Variants in SEMA5A observed in about 807,000 individuals in gnomAD.
SEMA5A encodes the protein semaphorin-5A.
In SEMA5A, 55 loss-of-function variants were observed where a neutral mutation model predicts 135.5. That is an observed-to-expected ratio of 0.41 (90% CI 0.33 to 0.51). The LOEUF (loss-of-function observed/expected upper bound fraction) is 0.51, where lower values mean the gene tolerates loss of function less well. Among genes scored for constraint, SEMA5A ranks in the 20% least tolerant of loss-of-function variants. The probability of loss-of-function intolerance (pLI) is 0.37; values close to 1 mark genes in which losing one functional copy is unlikely to be tolerated. For missense variants in SEMA5A, 1,290 were observed against 1,419.9 expected (o/e 0.91, Z 1.47); for synonymous variants, 580 against 546.5 (o/e 1.06, Z -0.85).
At chr5:9,350,282 G>A (rs1055018159) in intron 3 of SEMA5A, among the ~76,000 whole-genome samples, 21 of 152,272 alleles carry the variant, frequency 1.4e-4, no homozygotes, top group Admixed American at 1.2e-3. Context: ...ATTTAGGTTG[G>A]AATCTCACAG....
At chr5:9,338,871 G>A (rs1447490680) in intron 3 of SEMA5A, among the ~76,000 whole-genome samples, 3 of 152,060 alleles carry the variant, frequency 2.0e-5, no homozygotes, top group Admixed American at 6.6e-5. Flanking sequence ...TAAAGAAATC[G>A]CTTTGTTGAT....
intron 1 of SEMA5A, among the ~76,000 whole-genome samples, chr5:9,478,059 G>T (rs567243727): frequency 6.6e-6 from 1 of 152,194 alleles, no homozygotes; most frequent in Non-Finnish European, 1.5e-5. Flanking sequence ...CATGACTATA[G>T]GGGCCAAGGT....
rs1229453571 is a variant in SEMA5A at position 9,043,280 on chromosome 5, A to G, written c.3106-264T>C. On this transcript the variant is annotated intron_variant, in intron 22 of 22. Coordinates refer to ENST00000382496, the MANE Select transcript of SEMA5A (RefSeq NM_003966.3). ...GAAGTTACCACGAGAAGCAGGAGGT[A>G]AGAAAATCTAAATCTAAATCTCTAG... The G allele has an allele frequency of 1.2e-5, 4 of 332,166 alleles. 1 individual carries two copies. The Admixed American group carries it at 1.8e-4, about 15-fold the overall frequency. The allele number at this position is 332,166 out of a possible 1,614,324, so 20.6% of individuals were successfully genotyped here. A position where few individuals can be genotyped will look rare whatever the true frequency, so the allele number is the denominator to read the frequency against.
chr5:9,543,310 GTATT>G (rs1280172319), intron 1 of SEMA5A, among the ~76,000 whole-genome samples: 1 of 152,164 alleles, frequency 6.6e-6, no homozygotes, highest in Non-Finnish European at 1.5e-5. Flanking sequence ...AAATGTGCTT[GTATT>G]TATTTCGGTC....
At chr5:9,529,553 T>C (rs1737329708) in intron 1 of SEMA5A, among the ~76,000 whole-genome samples, 1 of 152,248 alleles carries the variant, frequency 6.6e-6, no homozygotes, top group South Asian at 2.1e-4. Context: ...GTAATCTTCA[T>C]ATTCCAGGAA....
At chr5:9,069,126 T>A (rs547742091) in intron 16 of SEMA5A, among the ~76,000 whole-genome samples, 2 of 152,338 alleles carry the variant, frequency 1.3e-5, no homozygotes, top group African/African-American at 4.8e-5. Flanking sequence ...AAAGTTCAGA[T>A]TCCCCCAAGG....
intron 1 of SEMA5A, among the ~76,000 whole-genome samples, chr5:9,500,103 G>A (rs1339752235): frequency 6.6e-6 from 1 of 152,086 alleles, no homozygotes; most frequent in Non-Finnish European, 1.5e-5. Context: ...AGAAGAAATG[G>A]CTATGCAACT....
intron 3 of SEMA5A, among the ~76,000 whole-genome samples, chr5:9,356,716 A>C (rs1230142704): frequency 6.6e-6 from 1 of 152,202 alleles, no homozygotes; most frequent in Non-Finnish European, 1.5e-5. Context: ...AAAGAAATTC[A>C]CTGTGCAAAA....
At chr5:9,398,017 C>T (rs1756478309) in intron 2 of SEMA5A, among the ~76,000 whole-genome samples, 1 of 152,150 alleles carries the variant, frequency 6.6e-6, no homozygotes, top group Non-Finnish European at 1.5e-5. Context: ...AAGAGCTGAT[C>T]CACGCTATCA....
chr5:9,168,636 T>C (rs1743745028), intron 11 of SEMA5A, among the ~76,000 whole-genome samples: 1 of 152,198 alleles, frequency 6.6e-6, no homozygotes, highest in African/African-American at 2.4e-5. Context: ...GGATACTACC[T>C]TCAACCTGTG....
intron 5 of SEMA5A, among the ~76,000 whole-genome samples, chr5:9,276,183 C>T: frequency 6.6e-6 from 1 of 152,136 alleles, no homozygotes; most frequent in African/African-American, 2.4e-5. Context: ...AAACAGAGAG[C>T]CACATCATGA....
At chr5:9,214,533 A>G (rs376591804) in intron 8 of SEMA5A, among the ~76,000 whole-genome samples, 1 of 152,222 alleles carries the variant, frequency 6.6e-6, no homozygotes, top group Admixed American at 6.5e-5. Context: ...ACCATACCAG[A>G]TATTTATGAT....
chr5:9,038,502 T>C lies in SEMA5A; in HGVS notation c.*4395A>G, dbSNP rs772626156. The C allele has an allele frequency of 2.6e-5, 4 of 152,194 alleles. No homozygotes were observed. The highest frequency in any genetic ancestry group is 4.4e-5 in the Non-Finnish European group (3 of 68,048). The allele number at this position is 152,194 out of a possible 1,614,324, so 9.4% of individuals were successfully genotyped here. ...AAGTTGAAGAAGTATCTTGACAGTA[T>C]TGGGGAAATATTTATGATTTATTCT... is the stretch of plus-strand genomic sequence containing the variant. On this transcript the variant is annotated 3_prime_UTR_variant, in exon 23 of 23. Coordinates refer to ENST00000382496, the MANE Select transcript of SEMA5A (RefSeq NM_003966.3).
At chr5:9,490,153 T>C (rs1023230330) in intron 1 of SEMA5A, among the ~76,000 whole-genome samples, 3 of 152,144 alleles carry the variant, frequency 2.0e-5, no homozygotes, top group Non-Finnish European at 4.4e-5. Context: ...ACAAATAAGA[T>C]TGTCAACTTT....
At chr5:9,171,850 G>A (rs987161658) in intron 11 of SEMA5A, among the ~76,000 whole-genome samples, 5 of 152,090 alleles carry the variant, frequency 3.3e-5, no homozygotes, top group African/African-American at 4.8e-5. Context: ...GAGAGGGAGC[G>A]GGCACCAACT....
chr5:9,520,201 C>A (rs941126260), intron 1 of SEMA5A, among the ~76,000 whole-genome samples: 9 of 152,224 alleles, frequency 5.9e-5, no homozygotes, highest in Non-Finnish European at 1.0e-4. Context: ...ATTCATCAGT[C>A]CAACATTTCC....
intron 1 of SEMA5A, among the ~76,000 whole-genome samples, chr5:9,452,128 C>T (rs921836697): frequency 6.6e-6 from 1 of 152,152 alleles, no homozygotes; most frequent in Non-Finnish European, 1.5e-5. Context: ...TTGGCCCTGC[C>T]CTGTCTCCTA....
intron 1 of SEMA5A, among the ~76,000 whole-genome samples, chr5:9,444,157 AT>A (rs1053402011): frequency 1.4e-4 from 21 of 151,562 alleles, no homozygotes; most frequent in South Asian, 4.2e-4. Flanking sequence ...CACCACTTAA[AT>A]TTTTTTTTAG....
intron 9 of SEMA5A, 128 bp from the exon 10 acceptor site, chr5:9,197,431 A>G: frequency 8.8e-7 from 1 of 1,139,948 alleles, no homozygotes; most frequent in Non-Finnish European, 1.2e-6. Flanking sequence ...TCTCTTAAAG[A>G]TCCCAAAAGG....
Sources: allele counts gnomAD v4.1 joint callset (sites outside exome capture counted in the v4.1 genomes callset), GRCh38; gene constraint gnomAD v4.1.1; transcripts MANE v1.5; gene names NCBI Gene and HGNC (gene_info 2026-07-23, HGNC 2026-07-21).